Variants in FAT3 observed in about 807,000 individuals in gnomAD.
The protein encoded by FAT3 is protocadherin Fat 3.
Under a neutral mutation model 310.2 loss-of-function variants are expected in FAT3, and 95 were observed. The observed-to-expected ratio is 0.31, with a 90% confidence interval of 0.26 to 0.36. The LOEUF is 0.36. FAT3 is among the 10% of genes least tolerant of loss of function. The pLI is 1.00. For missense variants in FAT3, 5,408 were observed against 5,715.6 expected (o/e 0.95, Z 1.74); for synonymous variants, 2,314 against 2,192.9 (o/e 1.06, Z -1.54).
chr11:92,643,003 G>C (rs182042254), intron 3 of FAT3, among the ~76,000 whole-genome samples: 2 of 152,296 alleles, frequency 1.3e-5, no homozygotes, highest in East Asian at 3.9e-4. Flanking sequence ...AATAAATGAA[G>C]CAGAATACAT....
chr11:92,546,991 G>A (rs1043786167), intron 3 of FAT3, among the ~76,000 whole-genome samples: 6 of 152,100 alleles, frequency 3.9e-5, no homozygotes, highest in East Asian at 1.9e-4. Context: ...TAGGTGAGAC[G>A]ATTCACATAA....
intron 1 of FAT3, among the ~76,000 whole-genome samples, chr11:92,278,794 C>G (rs982735333): frequency 6.6e-6 from 1 of 152,024 alleles, no homozygotes; most frequent in East Asian, 1.9e-4. Context: ...TCATTAGTAG[C>G]GATTAGTAAA....
chr11:92,687,030 A>C (rs1231812946), intron 3 of FAT3, among the ~76,000 whole-genome samples: 1 of 152,188 alleles, frequency 6.6e-6, no homozygotes, highest in African/African-American at 2.4e-5. Context: ...TTAAATTTTC[A>C]GACATTTTGG....
At chr11:92,881,497 T>C (rs1949669599) in intron 23 of FAT3, among the ~76,000 whole-genome samples, 1 of 152,178 alleles carries the variant, frequency 6.6e-6, no homozygotes, top group African/African-American at 2.4e-5. Context: ...TCCCGAGGAC[T>C]TTACCAGGAA....
chr11:92,624,719 G>A (rs1212135592), intron 3 of FAT3, among the ~76,000 whole-genome samples: 1 of 152,178 alleles, frequency 6.6e-6, no homozygotes, highest in Non-Finnish European at 1.5e-5. Context: ...TGGCTTGGGG[G>A]TGTTTTAGTT....
chr11:92,370,252 G>C (rs1007811382), intron 2 of FAT3, among the ~76,000 whole-genome samples: 1 of 152,260 alleles, frequency 6.6e-6, no homozygotes, highest in African/African-American at 2.4e-5. Flanking sequence ...TGGGCCATTG[G>C]TTTGGTGGGA....
At position 92,619,920 on chromosome 11, in the gene FAT3, T is replaced by C. The variant is rs1437028119; in HGVS notation, c.3608-77464T>C. On this transcript the variant is annotated intron_variant, in intron 3 of 27. Transcript: ENST00000525166. ...CCTTTTTCACTGGAAGTTTAGGTTA[T>C]TGATTTGGTTTTTATAATACATTTT... 2.6e-5 allele frequency among the ~76,000 whole-genome samples: 4 copies of C among 152,116 alleles called. No individual in the cohort carries two copies. In the East Asian group the frequency reaches 5.8e-4, roughly 22 times the overall value.
intron 2 of FAT3, among the ~76,000 whole-genome samples, chr11:92,468,663 AACTT>A (rs1951834733): frequency 6.6e-6 from 1 of 152,152 alleles, no homozygotes; most frequent in Admixed American, 6.5e-5. Flanking sequence ...GGCCTCAGGA[AACTT>A]ACAGTCATGG....
rs947247705 is a variant in FAT3 at position 92,851,518 on chromosome 11, G to A, written c.11366-5696G>A. 3.3e-5 allele frequency among the ~76,000 whole-genome samples: 5 copies of A among 152,268 alleles called. No individual in the cohort carries two copies. The East Asian group carries it at 9.7e-4, about 29-fold the overall frequency. The stretch of plus-strand genomic sequence containing the variant: ...AATCCAGGTCTGCGTCTATGTCAAT[G>A]CAGTATTGTTTACTTATCTTACTAC... On this transcript the variant is annotated intron_variant, in intron 19 of 27. Coordinates refer to ENST00000525166, the MANE Select transcript of FAT3 (RefSeq NM_001367949.2).
At chr11:92,539,690 T>G (rs1473440886) in intron 3 of FAT3, among the ~76,000 whole-genome samples, 1 of 152,194 alleles carries the variant, frequency 6.6e-6, no homozygotes, top group Non-Finnish European at 1.5e-5. Flanking sequence ...ATTTTAGTCA[T>G]ATCTATTATT....
chr11:92,611,647 A>C (rs1940567346), intron 3 of FAT3, among the ~76,000 whole-genome samples: 1 of 151,156 alleles, frequency 6.6e-6, no homozygotes. Context: ...GTCTGCTTTA[A>C]ACTCCCAAAG....
chr11:92,467,805 T>C (rs1951805623), intron 2 of FAT3, among the ~76,000 whole-genome samples: 1 of 152,212 alleles, frequency 6.6e-6, no homozygotes, highest in Non-Finnish European at 1.5e-5. Flanking sequence ...CCATTGTTTC[T>C]CCAATCCTAG....
chr11:92,758,643 A>G (rs1266005405), intron 4 of FAT3, among the ~76,000 whole-genome samples: 1 of 152,196 alleles, frequency 6.6e-6, no homozygotes, highest in Non-Finnish European at 1.5e-5. Context: ...CAGCGACATG[A>G]TCAGATTTTT....
intron 1 of FAT3, among the ~76,000 whole-genome samples, chr11:92,278,565 A>C (rs1946339136): frequency 6.6e-6 from 1 of 152,076 alleles, no homozygotes; most frequent in South Asian, 2.1e-4. Flanking sequence ...AACTATTTAA[A>C]TATGTATTCT....
At chr11:92,446,273 A>G (rs1251175735) in intron 2 of FAT3, among the ~76,000 whole-genome samples, 1 of 152,236 alleles carries the variant, frequency 6.6e-6, no homozygotes, top group Non-Finnish European at 1.5e-5. Flanking sequence ...CCTAGTATAC[A>G]TGGGAATGTG....
At position 92,354,726 on chromosome 11, in the gene FAT3, A is replaced by T. The variant is rs768328160; in HGVS notation, c.2614A>T (p.Thr872Ser). The T allele has an allele frequency of 8.1e-6, 13 of 1,613,940 alleles. No individual in the cohort carries two copies. In the South Asian group the frequency reaches 1.3e-4, roughly 16 times the overall value. Residue 872 changes from threonine (T) to serine (S), a missense_variant, in exon 2 of 28, where the codon ACA (threonine) becomes TCA (serine). Around this residue, in one of 5 missense-constraint regions of FAT3, gnomAD observed 4,588 missense variants for 4,809.8 expected, o/e 0.95. Coordinates refer to ENST00000525166, the MANE Select transcript of FAT3 (RefSeq NM_001367949.2). ...SNGEVTYSVL[T>S]DTQQFAINSS... The stretch of plus-strand genomic sequence containing the variant: ...TGGTGAAGTGACTTACTCAGTCTTG[A>T]CAGATACACAGCAGTTTGCCATCAA...
At chr11:92,818,587 C>T (rs1178720629) in intron 13 of FAT3, among the ~76,000 whole-genome samples, 3 of 152,164 alleles carry the variant, frequency 2.0e-5, no homozygotes, top group African/African-American at 7.2e-5. Context: ...CCCAAATGTA[C>T]CCAAGAAACA....
intron 2 of FAT3, among the ~76,000 whole-genome samples, chr11:92,379,936 TAA>T (rs745538011): frequency 6.6e-6 from 1 of 151,892 alleles, no homozygotes; most frequent in Non-Finnish European, 1.5e-5. Flanking sequence ...GTAGATGAGG[TAA>T]AAAATCAACC....
intron 4 of FAT3, among the ~76,000 whole-genome samples, chr11:92,699,156 T>A (rs1944022650): frequency 6.6e-6 from 1 of 152,192 alleles, no homozygotes; most frequent in South Asian, 2.1e-4. Context: ...GTCTGGAATA[T>A]CATTGATTAG....
Sources: allele counts gnomAD v4.1 joint callset (sites outside exome capture counted in the v4.1 genomes callset), GRCh38; gene constraint gnomAD v4.1.1; regional missense constraint gnomAD v4.1.1; transcripts MANE v1.5; gene names NCBI Gene and HGNC (gene_info 2026-07-23, HGNC 2026-07-21).